Variants in ZNF654 observed in about 807,000 individuals in gnomAD.
ZNF654 encodes melanoma-associated antigen.
ZNF654 carries 19 observed loss-of-function variants against 95.3 expected under a neutral mutation model. The observed-to-expected ratio is 0.20, with a 90% CI of 0.14 to 0.29. The LOEUF is 0.29. ZNF654 is among the 10% of genes least tolerant of loss of function. The probability of loss-of-function intolerance (pLI) is 1.00; values close to 1 mark genes in which losing one functional copy is unlikely to be tolerated. For synonymous variants in ZNF654, 413 were observed against 457.9 expected (o/e 0.90, Z 1.25); for missense variants, 1,046 against 1,341.0 (o/e 0.78, Z 3.44).
Position 88,139,507 on chromosome 3 carries a change from T to C in ZNF654, c.1838T>C (p.Val613Ala). Reference sequence around the variant, plus strand: ...GCAGCTCAACAGGATGATCAGGAAGTCACTGCTTTGGAAGAAATAAATTGT... The same window carrying C: ...GCAGCTCAACAGGATGATCAGGAAGCCACTGCTTTGGAAGAAATAAATTGT... ...IAAAQQDDQE[V>A]TALEEINCSS... The change falls in exon 8 of 9, where the codon GTC becomes GCC. Residue 613 changes from valine (V) to alanine (A), a missense_variant. Val to Ala is a moderately conservative substitution (Grantham distance 64). Transcript: ENST00000636215. 1 of 1,613,498 alleles carries C rather than the reference T, an allele frequency of 6.2e-7. No homozygotes were observed. The highest frequency in any genetic ancestry group is 8.5e-7 in the Non-Finnish European group (1 of 1,179,702).
At chr3:88,100,509 A>G (rs1704348630) in intron 2 of ZNF654, among the ~76,000 whole-genome samples, 1 of 152,238 alleles carries the variant, frequency 6.6e-6, no homozygotes, top group Non-Finnish European at 1.5e-5. Context: ...TGCTGCGCAC[A>G]TGTATGTTTA....
intron 4 of ZNF654, among the ~76,000 whole-genome samples, chr3:88,126,579 CTTTTTTTTT>C (rs144091813): frequency 2.1e-3 from 173 of 81,780 alleles, no homozygotes; most frequent in Non-Finnish European, 2.0e-3. Flanking sequence ...GTAGAAACAT[CTTTTTTTTT>C]TTTTTTTTTT....
At chr3:88,132,699 T>C (rs1373528867) in intron 6 of ZNF654, among the ~76,000 whole-genome samples, 2 of 152,222 alleles carry the variant, frequency 1.3e-5, no homozygotes, top group African/African-American at 2.4e-5. Flanking sequence ...TTTCAACATT[T>C]AGGGGAAGTA....
intron 2 of ZNF654, among the ~76,000 whole-genome samples, chr3:88,098,676 C>T (rs933947022): frequency 1.6e-4 from 25 of 152,168 alleles, no homozygotes; most frequent in African/African-American, 5.8e-4. Context: ...GCTGGTTCAA[C>T]ATACGAAAAT....
Position 88,144,109 on chromosome 3 carries a change from T to C in ZNF654, c.*2457T>C, listed in dbSNP as rs1238519509. On this transcript the variant is annotated 3_prime_UTR_variant, in exon 9 of 9. Transcript: ENST00000636215. ...AATTAAATGTTAAATTTCTGCTGTG[T>C]GTCAGTAAGGTGAAGAAAATAGCAA... The C allele has an allele frequency of 1.3e-5, 2 of 152,350 alleles. No individual in the cohort carries two copies. The highest frequency in any genetic ancestry group is 2.4e-5 in the African/African-American group (1 of 41,430). 9.4% of individuals were successfully genotyped at this position (152,350 alleles called of 1,614,324 possible).
At chr3:88,114,276 A>G (rs1437971365) in intron 3 of ZNF654, among the ~76,000 whole-genome samples, 1 of 152,196 alleles carries the variant, frequency 6.6e-6, no homozygotes, top group Non-Finnish European at 1.5e-5. Context: ...TTTCAGTATT[A>G]AATGGGGAGG....
Position 88,098,002 on chromosome 3 carries a change from T to C in ZNF654, c.332+11600T>C, listed in dbSNP as rs889934397. 2.8e-4 allele frequency among the ~76,000 whole-genome samples: 43 copies of C among 151,682 alleles called. 1 individual carries two copies. Among genetic ancestry groups the C allele is most frequent in the Admixed American group, 2.8e-3 (42 of 15,214 alleles). ...AAGATCAGAGCAGAACTGAAGGAGA[T>C]AGAGACATAAAAAACCCTTCAAAAA... On this transcript the variant is annotated intron_variant, in intron 2 of 8. Transcript: ENST00000636215.
chr3:88,067,758 G>C (rs1430682168), intron 1 of ZNF654, among the ~76,000 whole-genome samples: 3 of 152,154 alleles, frequency 2.0e-5, no homozygotes, highest in African/African-American at 7.2e-5. Context: ...TCAGTAGTCA[G>C]GTTGGAGTAG....
At chr3:88,083,955 A>ATT (rs1030876640) in intron 1 of ZNF654, among the ~76,000 whole-genome samples, 6 of 151,164 alleles carry the variant, frequency 4.0e-5, no homozygotes, top group African/African-American at 1.5e-4. Context: ...ATATATATAT[A>ATT]TATATATATA....
chr3:88,067,374 TTAACAGAAG>T (rs1707258120), intron 1 of ZNF654, among the ~76,000 whole-genome samples: 1 of 152,208 alleles, frequency 6.6e-6, no homozygotes, highest in South Asian at 2.1e-4. Flanking sequence ...ATAGCTGGAC[TTAACAGAAG>T]CCAGAGCTCA....
rs140899520 is a variant in ZNF654, at chr3:88,093,806, T to G, written c.332+7404T>G. Among the ~76,000 whole-genome samples the G allele has an allele frequency of 4.1e-3, 625 of 152,330 alleles. 4 individuals carry two copies. The highest frequency in any genetic ancestry group is 0.014 in the African/African-American group (596 of 41,580). ...CTAGGCTTTCAACTAATTTAGGAAA[T>G]GACTTGGAAATAAAGGAAGAAAGGC... On this transcript the variant is annotated intron_variant, in intron 2 of 8. Coordinates refer to ENST00000636215, the MANE Select transcript of ZNF654 (RefSeq NM_001350134.2).
intron 3 of ZNF654, among the ~76,000 whole-genome samples, chr3:88,116,612 T>TTGTG (rs761236273): frequency 1.1e-4 from 17 of 149,816 alleles, no homozygotes; most frequent in East Asian, 9.8e-4. Flanking sequence ...TGTATATATG[T>TTGTG]TGTGTGTGTG....
intron 6 of ZNF654, among the ~76,000 whole-genome samples, chr3:88,134,179 T>C (rs1706629899): frequency 6.6e-6 from 1 of 152,024 alleles, no homozygotes; most frequent in South Asian, 2.1e-4. Flanking sequence ...GAATTTTGGT[T>C]TTACTACTCA....
intron 1 of ZNF654, among the ~76,000 whole-genome samples, chr3:88,062,527 CTTG>C (rs773823580): frequency 7.9e-5 from 12 of 152,272 alleles, no homozygotes; most frequent in Middle Eastern, 3.4e-3. Context: ...TATTGTCTGA[CTTG>C]TTAAGTGCTG....
chr3:88,098,467 CCTAA>C (rs1359034261), intron 2 of ZNF654, among the ~76,000 whole-genome samples: 1 of 152,118 alleles, frequency 6.6e-6, no homozygotes, highest in African/African-American at 2.4e-5. Flanking sequence ...GGGAATCCTC[CCTAA>C]CTCTTTTTAT....
At chr3:88,127,794 T>C (rs1706208881) in intron 4 of ZNF654, among the ~76,000 whole-genome samples, 1 of 152,168 alleles carries the variant, frequency 6.6e-6, no homozygotes, top group South Asian at 2.1e-4. Context: ...ACCTCACACT[T>C]TGGGAAAAGC....
At chr3:88,073,658 A>G (rs1158287872) in intron 1 of ZNF654, among the ~76,000 whole-genome samples, 5 of 152,198 alleles carry the variant, frequency 3.3e-5, no homozygotes, top group Non-Finnish European at 7.4e-5. Flanking sequence ...GAGTATAGTG[A>G]TGGTATTAAC....
Position 88,140,786 on chromosome 3 carries a change from T to C in ZNF654, c.3117T>C (p.Tyr1039=). The change falls in exon 8 of 9, where the codon TAT becomes TAC. Residue 1039 remains tyrosine (Y), a synonymous_variant. Coordinates refer to ENST00000636215, the MANE Select transcript of ZNF654 (RefSeq NM_001350134.2). The part of the protein sequence containing the change: ...KPNLTSEHTS[Y]GLILTKPYVR... ...ATCTGACAAGTGAACATACTTCATA[T>C]GGCTTAATTTTAACAAAACCATACG... 6.2e-7 allele frequency: 1 copy of C among 1,613,756 alleles called. No homozygotes were observed. The highest frequency in any genetic ancestry group is 2.2e-5 in the East Asian group (1 of 44,874).
In ZNF654 at chr3:88,140,411, T is replaced by C; in HGVS notation, c.2742T>C (p.Thr914=). 1.9e-6 allele frequency: 3 copies of C among 1,613,288 alleles called. No individual in the cohort carries two copies. Among genetic ancestry groups the C allele is most frequent in the Middle Eastern group, 1.7e-4 (1 of 6,058 alleles). Residue 914 remains threonine (T), a synonymous_variant, in exon 8 of 9, where the codon ACT becomes ACC. Coordinates refer to ENST00000636215, the MANE Select transcript of ZNF654 (RefSeq NM_001350134.2). The part of the protein sequence containing the change: ...EKQTISLPVS[T]SKSRKESTEP... Reference sequence around the variant, plus strand: ...AAACTATTAGTCTGCCAGTTTCTACTAGCAAATCAAGGAAAGAGTCTACAG... The same window carrying C: ...AAACTATTAGTCTGCCAGTTTCTACCAGCAAATCAAGGAAAGAGTCTACAG...
Sources: gnomAD v4.1 joint callset for allele counts (sites outside exome capture counted in the v4.1 genomes callset) on GRCh38, gnomAD v4.1.1 for gene constraint, MANE v1.5 for transcripts, NCBI Gene and HGNC (gene_info 2026-07-23, HGNC 2026-07-21) for gene names.